APOBEC3C: variants seen among roughly 807,000 people sequenced by gnomAD.
The protein encoded by APOBEC3C is apolipoprotein B mRNA editing enzyme catalytic subunit 3C, also known as DNA dC->dU-editing enzyme APOBEC-3C.
A neutral mutation model predicts 20.6 loss-of-function variants in APOBEC3C; 14 were observed. That is an observed-to-expected ratio of 0.68 (90% CI 0.45 to 1.06). The LOEUF (loss-of-function observed/expected upper bound fraction) is 1.06. APOBEC3C is among the 50% of genes least tolerant of loss of function. The pLI is 0.00. For missense variants in APOBEC3C, 244 were observed against 241.9 expected, an observed-to-expected ratio of 1.01 and a Z score of -0.06; for synonymous variants, 98 against 88.8, an observed-to-expected ratio of 1.10 and a Z score of -0.58.
Position 39,017,773 on chromosome 22 carries a change from C to A in APOBEC3C, c.182C>A (p.Ser61Tyr). 6.2e-7 allele frequency: 1 copy of A among 1,612,754 alleles called. No individual in the cohort carries two copies. Among genetic ancestry groups the A allele is most frequent in the Non-Finnish European group, 8.5e-7 (1 of 1,178,824 alleles). The change falls in exon 3 of 4, where the codon TCT (serine) becomes TAT (tyrosine). Residue 61 changes from serine to tyrosine, a missense_variant. Ser to Tyr is a moderately radical substitution (Grantham distance 144). Coordinates refer to ENST00000361441, the MANE Select transcript of APOBEC3C (RefSeq NM_014508.3). The part of the protein sequence containing the change: ...KTGVFRNQVD[S>Y]ETHCHAERCF... ...CTCCTCCTCCTTCGCCAGGTGGATT[C>A]TGAGACCCATTGTCATGCAGAAAGG...
rs367574503 is a variant in APOBEC3C, at chr22:39,014,311, C to A, written c.-52C>A. 61 of 1,612,778 alleles carry A rather than the reference C, an allele frequency of 3.8e-5. No homozygotes were observed. Among genetic ancestry groups the A allele is most frequent in the African/African-American group, 2.7e-5 (2 of 74,886 alleles). On this transcript the variant is annotated 5_prime_UTR_variant, in exon 1 of 4. Coordinates refer to ENST00000361441, the MANE Select transcript of APOBEC3C (RefSeq NM_014508.3). ...ACGCTGTAAGCAGGAAGAGAAGCCA[C>A]AGCGCTTCAGAAAAGAGTGGGACAG...
chr22:39,016,387 T>TC (rs1182377555), intron 2 of APOBEC3C, among the ~76,000 whole-genome samples: 4 of 146,986 alleles, frequency 2.7e-5, no homozygotes, highest in Admixed American at 1.4e-4. Flanking sequence ...TTTTCTTTTT[T>TC]TTTTTTTTTT....
chr22:39,015,610 A>C lies in APOBEC3C; in HGVS notation c.33A>C (p.Ala11=). Residue 11 remains alanine, a synonymous_variant, in exon 2 of 4, where the codon GCA becomes GCC. Coordinates refer to ENST00000361441, the MANE Select transcript of APOBEC3C (RefSeq NM_014508.3). MNPQIRNPMK[A]MYPGTFYFQF... ...GTGCCTTCAGAAACCCGATGAAGGC[A>C]ATGTATCCAGGCACATTCTACTTCC... 6.2e-7 allele frequency: 1 copy of C among 1,614,030 alleles called. No individual in the cohort carries two copies. Among genetic ancestry groups the C allele is most frequent in the Admixed American group, 1.7e-5 (1 of 59,984 alleles).
chr22:39,015,481 G>T, intron 1 of APOBEC3C, 114 bp from the exon 2 acceptor site: 2 of 1,223,772 alleles, frequency 1.6e-6, no homozygotes, highest in Middle Eastern at 2.7e-4. Context: ...GCTGTGGAGG[G>T]ATGGGGGAGG....
chr22:39,017,289 C>T (rs1262732999), intron 2 of APOBEC3C, among the ~76,000 whole-genome samples: 1 of 151,854 alleles, frequency 6.6e-6, no homozygotes, highest in African/African-American at 2.4e-5. Context: ...AGAAGGGAAA[C>T]TCAATGAATA....
Position 39,018,342 on chromosome 22 carries a change from C to G in APOBEC3C, c.528C>G (p.Thr176=), listed in dbSNP as rs761464830. The G allele has an allele frequency of 6.2e-7, 1 of 1,613,988 alleles. No individual in the cohort carries two copies. The part of the protein sequence containing the change: ...EPFKPWKGLK[T]NFRLLKRRLR... ...TCAAGCCTTGGAAGGGATTAAAAACCAACTTTCGACTTCTGAAAAGAAGGC... is the reference window on the plus strand; with the variant it reads ...TCAAGCCTTGGAAGGGATTAAAAACGAACTTTCGACTTCTGAAAAGAAGGC... The change falls in exon 4 of 4, where the codon ACC becomes ACG. Residue 176 remains threonine, a synonymous_variant. Transcript: ENST00000361441.
intron 2 of APOBEC3C, 119 bp downstream of exon 2, chr22:39,015,870 TTC>T: frequency 3.7e-5 from 34 of 908,576 alleles, no homozygotes; most frequent in Non-Finnish European, 5.1e-5. Context: ...CCTGCCACAT[TTC>T]TATTTTTTTT....
In APOBEC3C at chr22:39,015,625, A is replaced by G; in HGVS notation, c.48A>G (p.Thr16=). ...CGATGAAGGCAATGTATCCAGGCAC[A>G]TTCTACTTCCAATTTAAAAACCTAT... ...RNPMKAMYPG[T]FYFQFKNLWE... The change falls in exon 2 of 4, where the codon ACA becomes ACG. Residue 16 remains threonine (T), a synonymous_variant. Coordinates refer to ENST00000361441, the MANE Select transcript of APOBEC3C (RefSeq NM_014508.3). The G allele has an allele frequency of 6.2e-7, 1 of 1,614,164 alleles. No individual in the cohort carries two copies. Among genetic ancestry groups the G allele is most frequent in the Non-Finnish European group, 8.5e-7 (1 of 1,180,018 alleles).
Position 39,015,730 on chromosome 22 carries a change from G to A in APOBEC3C, c.153G>A (p.Lys51=). ...AGCGCCGCTCAGTTGTCTCCTGGAA[G>A]ACGGGCGTCTTCCGAAACCAGGTAG... ...GIKRRSVVSW[K]TGVFRNQVDS... The change falls in exon 2 of 4, where the codon AAG becomes AAA. Residue 51 remains lysine, a synonymous_variant. Transcript: ENST00000361441. The A allele has an allele frequency of 1.2e-6, 2 of 1,614,010 alleles. No individual in the cohort carries two copies. Among genetic ancestry groups the A allele is most frequent in the Non-Finnish European group, 1.7e-6 (2 of 1,179,972 alleles).
At chr22:39,016,068 G>A (rs935670603) in intron 2 of APOBEC3C, among the ~76,000 whole-genome samples, 2 of 150,428 alleles carry the variant, frequency 1.3e-5, no homozygotes, top group African/African-American at 2.5e-5. Flanking sequence ...AGTAGAAACA[G>A]GATTTTGCCA....
At chr22:39,017,651 TA>T in intron 2 of APOBEC3C, 114 bp from the exon 3 acceptor site, 1 of 1,339,010 alleles carries the variant, frequency 7.5e-7, no homozygotes, top group Non-Finnish European at 1.0e-6. Context: ...CAAAAATGAG[TA>T]AATAAGGAAA....
At chr22:39,016,003 G>A (rs539898387) in intron 2 of APOBEC3C, among the ~76,000 whole-genome samples, 1 of 151,488 alleles carries the variant, frequency 6.6e-6, no homozygotes, top group East Asian at 1.9e-4. Context: ...AGTCTCCCGA[G>A]TAGCTGGGAT....
chr22:39,016,214 T>TTTATTTATTTATTTATTTATTTATTTA (rs1341965540), intron 2 of APOBEC3C, among the ~76,000 whole-genome samples: 8 of 149,652 alleles, frequency 5.3e-5, no homozygotes, highest in East Asian at 2.0e-4. Context: ...TATTTATTTA[T>TTTATTTATTTATTTATTTATTTATTTA]TTTGAGACGG....
Position 39,018,052 on chromosome 22 carries a change from C to A in APOBEC3C, c.454+7C>A. 1 of 1,613,458 alleles carries A rather than the reference C, an allele frequency of 6.2e-7. No homozygotes were observed. Among genetic ancestry groups the A allele is most frequent in the Non-Finnish European group, 8.5e-7 (1 of 1,179,534 alleles). Reference sequence around the variant, plus strand: ...GAGATCATGGACTATGAAGGTGAGACGTGGGGGGCTGAGGAGAGTGGGTGC... The same window carrying A: ...GAGATCATGGACTATGAAGGTGAGAAGTGGGGGGCTGAGGAGAGTGGGTGC... On this transcript the variant is annotated splice_region_variant and intron_variant, in intron 3 of 3. Coordinates refer to ENST00000361441, the MANE Select transcript of APOBEC3C (RefSeq NM_014508.3).
chr22:39,014,927 T>G (rs1471446374), intron 1 of APOBEC3C, among the ~76,000 whole-genome samples: 1 of 152,154 alleles, frequency 6.6e-6, no homozygotes, highest in Non-Finnish European at 1.5e-5. Flanking sequence ...AGGCTCCTCC[T>G]CTGTGAGCAC....
rs1569049048 is a variant in APOBEC3C, at chr22:39,015,650, T to C, written c.73T>C (p.Trp25Arg). 1.2e-6 allele frequency: 2 copies of C among 1,614,060 alleles called. No homozygotes were observed. The highest frequency in any genetic ancestry group is 8.5e-7 in the Non-Finnish European group (1 of 1,180,008). Residue 25 changes from tryptophan (W) to arginine (R), a missense_variant, in exon 2 of 4, where the codon TGG becomes CGG. Trp to Arg is a moderately radical substitution (Grantham distance 101). Coordinates refer to ENST00000361441, the MANE Select transcript of APOBEC3C (RefSeq NM_014508.3). ...GTFYFQFKNL[W>R]EANDRNETWL... ...ATTCTACTTCCAATTTAAAAACCTA[T>C]GGGAAGCCAACGATCGGAACGAAAC...
chr22:39,018,310 G>A lies in APOBEC3C; in HGVS notation c.496G>A (p.Glu166Lys). 1 of 1,614,102 alleles carries A rather than the reference G, an allele frequency of 6.2e-7. No individual in the cohort carries two copies. Among genetic ancestry groups the A allele is most frequent in the South Asian group, 1.1e-5 (1 of 91,080 alleles). The change falls in exon 4 of 4, where the codon GAG becomes AAG. Residue 166 changes from glutamate to lysine, a missense_variant. By Grantham distance (56) the Glu-to-Lys change is moderately conservative. Transcript: ENST00000361441. ...GGAAAACTTTGTGTACAATGATAAT[G>A]AGCCATTCAAGCCTTGGAAGGGATT... ...CWENFVYNDN[E>K]PFKPWKGLKT...
In APOBEC3C at chr22:39,017,884, C is replaced by T. The variant is rs995215310; in HGVS notation, c.293C>T (p.Pro98Leu). 1 of 1,614,210 alleles carries T rather than the reference C, an allele frequency of 6.2e-7. No individual in the cohort carries two copies. The highest frequency in any genetic ancestry group is 1.3e-5 in the African/African-American group (1 of 75,046). Residue 98 changes from proline (P) to leucine (L), a missense_variant, in exon 3 of 4, where the codon CCA becomes CTA. Transcript: ENST00000361441. ...TGGTACACATCTTGGAGCCCTTGCC[C>T]AGACTGTGCAGGGGAGGTGGCCGAG... Reference protein sequence around the residue: ...VTWYTSWSPCPDCAGEVAEFL... With the variant: ...VTWYTSWSPCLDCAGEVAEFL...
chr22:39,014,868 A>T (rs1045612909), intron 1 of APOBEC3C, among the ~76,000 whole-genome samples: 1 of 152,164 alleles, frequency 6.6e-6, no homozygotes, highest in African/African-American at 2.4e-5. Flanking sequence ...CACTTCTTCC[A>T]AAGATGCCTC....
Sources: allele counts gnomAD v4.1 joint callset (sites outside exome capture counted in the v4.1 genomes callset), GRCh38; gene constraint gnomAD v4.1.1; transcripts MANE v1.5; gene names NCBI Gene and HGNC (gene_info 2026-07-23, HGNC 2026-07-21).